Variants in RAB11FIP4 observed in about 807,000 individuals in gnomAD.
RAB11FIP4 encodes the protein RAB11 family interacting protein 4.
In RAB11FIP4, 23 loss-of-function variants were observed where a neutral mutation model predicts 74.3. That is an observed-to-expected ratio of 0.31 (90% CI 0.22 to 0.44). The LOEUF is 0.44. Ranked by LOEUF, RAB11FIP4 falls within the 20% of genes least tolerant of loss-of-function variation. The pLI, the probability that RAB11FIP4 is intolerant of heterozygous loss-of-function variation, is 1.00. For synonymous variants in RAB11FIP4, 360 were observed against 359.9 expected (o/e 1.00, Z 0.00); for missense variants, 630 against 863.9 (o/e 0.73, Z 3.39).
intron 10 of RAB11FIP4, chr17:31,527,555 C>T (rs916339548): frequency 6.1e-6 from 2 of 326,460 alleles, no homozygotes; most frequent in African/African-American, 4.3e-5. Context: ...GATTGTGCCA[C>T]CTCACTCCAG....
chr17:31,497,017 G>C (rs912285650), intron 3 of RAB11FIP4, among the ~76,000 whole-genome samples: 5 of 152,188 alleles, frequency 3.3e-5, no homozygotes, highest in Non-Finnish European at 7.3e-5. Flanking sequence ...AGAAATACCT[G>C]GCACACAATA....
intron 1 of RAB11FIP4, among the ~76,000 whole-genome samples, chr17:31,398,720 G>A (rs967331271): frequency 6.6e-6 from 1 of 152,218 alleles, no homozygotes; most frequent in African/African-American, 2.4e-5. Flanking sequence ...TGGCTCTGAG[G>A]CTTAGGAGCC....
chr17:31,432,517 G>A (rs1375564736), intron 2 of RAB11FIP4, among the ~76,000 whole-genome samples: 1 of 151,986 alleles, frequency 6.6e-6, no homozygotes, highest in Admixed American at 6.6e-5. Context: ...ACACCACCAT[G>A]CCTGGCTAAT....
At chr17:31,528,017 T>C in intron 11 of RAB11FIP4, 94 bp downstream of exon 11, 1 of 934,576 alleles carries the variant, frequency 1.1e-6, no homozygotes. Context: ...CCGCACCCCC[T>C]AAGAAATGCA....
intron 1 of RAB11FIP4, among the ~76,000 whole-genome samples, chr17:31,413,297 C>T (rs1181904133): frequency 1.3e-5 from 2 of 152,228 alleles, no homozygotes; most frequent in Middle Eastern, 3.4e-3. Context: ...CAGACATTCC[C>T]ATGTAACCTT....
chr17:31,442,224 C>T (rs570161615), intron 3 of RAB11FIP4, among the ~76,000 whole-genome samples: 5 of 152,244 alleles, frequency 3.3e-5, no homozygotes, highest in Admixed American at 2.6e-4. Flanking sequence ...TGGTCTCGAT[C>T]TCCTGACCTC....
At chr17:31,440,223 G>A (rs2071395292) in intron 3 of RAB11FIP4, among the ~76,000 whole-genome samples, 2 of 152,142 alleles carry the variant, frequency 1.3e-5, no homozygotes, top group Admixed American at 1.3e-4. Context: ...TAGAGATCTG[G>A]CACTCTTACT....
chr17:31,488,509 T>C (rs1378135140), intron 3 of RAB11FIP4: 2 of 315,794 alleles, frequency 6.3e-6, no homozygotes, highest in African/African-American at 4.5e-5. Flanking sequence ...GCTCGTCTGC[T>C]GGGGCGCCTC....
intron 13 of RAB11FIP4, 107 bp from the exon 14 acceptor site, chr17:31,530,219 G>C (rs2072842819): frequency 7.1e-7 from 1 of 1,416,664 alleles, no homozygotes; most frequent in Non-Finnish European, 9.8e-7. Flanking sequence ...CACACCTGTG[G>C]GAATGGCGCT....
chr17:31,517,979 T>C (rs1376150687), intron 4 of RAB11FIP4, 102 bp downstream of exon 4: 1 of 909,222 alleles, frequency 1.1e-6, no homozygotes. Flanking sequence ...TGCTCAAAAT[T>C]TGTATCAGAG....
intron 3 of RAB11FIP4, among the ~76,000 whole-genome samples, chr17:31,490,761 T>A (rs1184803420): frequency 1.3e-5 from 2 of 152,214 alleles, no homozygotes; most frequent in Non-Finnish European, 2.9e-5. Context: ...TTTGCCATGT[T>A]GTCCAGGCTG....
At chr17:31,485,216 G>A (rs2071889741) in intron 3 of RAB11FIP4, among the ~76,000 whole-genome samples, 1 of 152,250 alleles carries the variant, frequency 6.6e-6, no homozygotes, top group South Asian at 2.1e-4. Context: ...GAACCGGGCA[G>A]GCTTCAAACC....
At chr17:31,399,420 T>G (rs2070962887) in intron 1 of RAB11FIP4, among the ~76,000 whole-genome samples, 1 of 152,286 alleles carries the variant, frequency 6.6e-6, no homozygotes, top group South Asian at 2.1e-4. Flanking sequence ...ATTTAAAAAT[T>G]TTTTATTCTA....
At chr17:31,452,316 A>C (rs2071534135) in intron 3 of RAB11FIP4, among the ~76,000 whole-genome samples, 1 of 151,554 alleles carries the variant, frequency 6.6e-6, no homozygotes, top group Non-Finnish European at 1.5e-5. Context: ...TGGAATGTTG[A>C]CTCTTTGTCA....
intron 9 of RAB11FIP4, chr17:31,524,799 G>T: frequency 2.0e-6 from 1 of 505,668 alleles, no homozygotes; most frequent in Non-Finnish European, 3.5e-6. Context: ...GAGGCCTGAG[G>T]TGGTTCCGGC....
intron 13 of RAB11FIP4, among the ~76,000 whole-genome samples, chr17:31,530,055 C>CGGG (rs2072839178): frequency 6.6e-5 from 10 of 152,200 alleles, no homozygotes; most frequent in Admixed American, 4.6e-4. Flanking sequence ...AAGGGATGGC[C>CGGG]AGGAGCCTTG....
At chr17:31,457,649 C>T (rs1180599881) in intron 3 of RAB11FIP4, among the ~76,000 whole-genome samples, 1 of 151,954 alleles carries the variant, frequency 6.6e-6, no homozygotes, top group Non-Finnish European at 1.5e-5. Context: ...GCTTTGAAGG[C>T]TGTTACAGCC....
In RAB11FIP4 at chr17:31,523,549, GGCA is replaced by G. The variant is rs763104702; in HGVS notation, c.971_973del (p.Ser324del). 6.2e-7 allele frequency: 1 copy of G among 1,614,128 alleles called. No individual in the cohort carries two copies. Among genetic ancestry groups the G allele is most frequent in the Non-Finnish European group, 8.5e-7 (1 of 1,180,012 alleles). ...CAGCAGCAACTTCAGCAGCAGCAATGGCAGCACCGAAGACCTGTTCCGGGACAG... is the reference window on the plus strand; with the variant it reads ...CAGCAGCAACTTCAGCAGCAGCAATGGCACCGAAGACCTGTTCCGGGACAG... On this transcript the variant is annotated inframe_deletion, in exon 8 of 15. Transcript: ENST00000621161.
chr17:31,426,810 C>T (rs2071256303), intron 1 of RAB11FIP4, among the ~76,000 whole-genome samples: 1 of 152,050 alleles, frequency 6.6e-6, no homozygotes, highest in Admixed American at 6.6e-5. Context: ...CCATGTTGGC[C>T]AGGATGGTCT....
Sources: gnomAD v4.1 joint callset for allele counts (sites outside exome capture counted in the v4.1 genomes callset) on GRCh38, gnomAD v4.1.1 for gene constraint, MANE v1.5 for transcripts, NCBI Gene and HGNC (gene_info 2026-07-23, HGNC 2026-07-21) for gene names.